Variants in OPHN1 observed in about 807,000 individuals in gnomAD.
The protein encoded by OPHN1 is oligophrenin 1.
A neutral mutation model predicts 60.7 loss-of-function variants in OPHN1; 11 were observed. That is an observed-to-expected ratio of 0.18 (90% CI 0.11 to 0.30). The LOEUF (loss-of-function observed/expected upper bound fraction) is 0.30, where lower values mean the gene tolerates loss of function less well. Ranked by LOEUF, OPHN1 falls within the 10% of genes least tolerant of loss-of-function variation. The probability of loss-of-function intolerance (pLI) is 1.00; values close to 1 mark genes in which losing one functional copy is unlikely to be tolerated. For missense variants in OPHN1, 449 were observed against 611.0 expected (o/e 0.73, Z 2.80); for synonymous variants, 226 against 222.6 (o/e 1.02, Z -0.14).
chrX:68,293,046 C>A (rs1381693223), intron 3 of OPHN1, among the ~76,000 whole-genome samples: 7 of 112,084 alleles, frequency 6.2e-5, no homozygotes, highest in African/African-American at 1.6e-4. Flanking sequence ...ATTTTCCCCC[C>A]ACCAATCTCA....
rs372304236 is a variant in OPHN1 at position 68,335,822 on chromosome X, T to C, written c.155-36726A>G. On this transcript the variant is annotated intron_variant, in intron 2 of 24. Coordinates refer to ENST00000355520, the MANE Select transcript of OPHN1 (RefSeq NM_002547.3). ...GCGTGCACCTGTAGTCCAATCTACTTGGGAGGCTGAGGCAGAAGAATCACT... is the reference window on the plus strand; with the variant it reads ...GCGTGCACCTGTAGTCCAATCTACTCGGGAGGCTGAGGCAGAAGAATCACT... Among the ~76,000 whole-genome samples, 6 of 111,287 alleles carry C rather than the reference T, an allele frequency of 5.4e-5. No homozygotes were observed. The South Asian group carries it at 1.5e-3, about 28-fold the overall frequency.
At chrX:68,088,895 C>A (rs1162807581) in intron 19 of OPHN1, among the ~76,000 whole-genome samples, 3 of 110,584 alleles carry the variant, frequency 2.7e-5, no homozygotes, top group Admixed American at 9.7e-5. Context: ...TAGTTTAAAG[C>A]TATTTTTCCA....
chrX:68,432,005 C>G (rs925706813), intron 2 of OPHN1, among the ~76,000 whole-genome samples: 2 of 110,573 alleles, frequency 1.8e-5, no homozygotes, highest in Non-Finnish European at 3.8e-5. Flanking sequence ...CCTGCACTCT[C>G]GTTGGGGATG....
At chrX:68,240,037 C>T (rs1400426031) in intron 5 of OPHN1, among the ~76,000 whole-genome samples, 1 of 111,669 alleles carries the variant, frequency 9.0e-6, no homozygotes, top group East Asian at 2.8e-4. Context: ...TCTCAAACTC[C>T]TGACCTCAGG....
chrX:68,169,321 G>A (rs28750734), intron 15 of OPHN1, among the ~76,000 whole-genome samples: 14,193 of 110,828 alleles, frequency 0.13, 724 homozygotes, highest in African/African-American at 0.18. Flanking sequence ...CTCATGGGTA[G>A]GAAGAATCAA....
chrX:68,082,638 T>TAGAC (rs746985303), intron 19 of OPHN1, among the ~76,000 whole-genome samples: 27 of 112,467 alleles, frequency 2.4e-4, no homozygotes, highest in Admixed American at 8.5e-4. Context: ...AAACATTCTG[T>TAGAC]AGACAGATGT....
intron 9 of OPHN1, among the ~76,000 whole-genome samples, chrX:68,208,066 TTTTCTTTCTTTCATTC>T (rs1250089048): frequency 9.2e-6 from 1 of 109,050 alleles, no homozygotes; most frequent in Admixed American, 1.0e-4. Flanking sequence ...CTTTCTTTTC[TTTTCTTTCTTTCATTC>T]TTTCTTTCTT....
At position 68,210,247 on chromosome X, in the gene OPHN1, C is replaced by G; in HGVS notation, c.738G>C (p.Met246Ile). ...RNHFSSTREE[M>I]EELKKRMKEA... is the part of the protein sequence containing the mutation. ...CTTTCATCCTTTTCTTAAGTTCTTC[C>G]ATCTCTTCCCGGGTACTGGAGAAAT... The change falls in exon 9 of 25, where the codon ATG (methionine) becomes ATC (isoleucine). Residue 246 changes from methionine (M) to isoleucine (I), a missense_variant. Around this residue, in one of 4 missense-constraint regions of OPHN1, gnomAD observed 166 missense variants for 278.4 expected, o/e 0.60. Transcript: ENST00000355520. 3 of 1,208,803 alleles carry G rather than the reference C, an allele frequency of 2.5e-6. No homozygotes were observed. Among genetic ancestry groups the G allele is most frequent in the Non-Finnish European group, 3.4e-6 (3 of 893,103 alleles).
intron 2 of OPHN1, among the ~76,000 whole-genome samples, chrX:68,328,197 C>T (rs1316577172): frequency 9.8e-6 from 1 of 101,912 alleles, no homozygotes; most frequent in African/African-American, 3.7e-5. Context: ...GGCGCGATCT[C>T]GGCTCACTGC....
intron 15 of OPHN1, among the ~76,000 whole-genome samples, chrX:68,124,417 C>G (rs1049351390): frequency 9.0e-6 from 1 of 110,857 alleles, no homozygotes; most frequent in Non-Finnish European, 1.9e-5. Flanking sequence ...ATTATTAGAG[C>G]TAAAAGGAGA....
At chrX:68,357,550 G>C (rs1295657702) in intron 2 of OPHN1, among the ~76,000 whole-genome samples, 1 of 110,390 alleles carries the variant, frequency 9.1e-6, no homozygotes, top group Non-Finnish European at 1.9e-5. Context: ...ATGGTTTCCA[G>C]CTTCATCCAT....
chrX:68,392,264 A>T (rs1309330785), intron 2 of OPHN1, among the ~76,000 whole-genome samples: 1 of 111,735 alleles, frequency 8.9e-6, no homozygotes, highest in African/African-American at 3.3e-5. Flanking sequence ...CATGATTCTT[A>T]ACATTTTCTT....
chrX:68,412,043 G>A (rs749723677), intron 2 of OPHN1, among the ~76,000 whole-genome samples: 2 of 111,580 alleles, frequency 1.8e-5, no homozygotes, highest in East Asian at 5.6e-4. Flanking sequence ...AAGTGGTCTT[G>A]TTATATAGAT....
intron 2 of OPHN1, among the ~76,000 whole-genome samples, chrX:68,329,288 G>A (rs1056602509): frequency 4.5e-5 from 5 of 112,087 alleles, no homozygotes; most frequent in African/African-American, 1.3e-4. Flanking sequence ...GTATAAATGT[G>A]TATAAGCACT....
chrX:68,053,552 G>T, intron 22 of OPHN1, 93 bp downstream of exon 22: 1 of 919,911 alleles, frequency 1.1e-6, no homozygotes, highest in Non-Finnish European at 1.6e-6. Context: ...CCCCAGGGCT[G>T]TGCACTGTAT....
chrX:68,430,044 C>CA (rs113590131), intron 2 of OPHN1, among the ~76,000 whole-genome samples: 24 of 101,554 alleles, frequency 2.4e-4, no homozygotes, highest in African/African-American at 8.2e-4. Flanking sequence ...CAGAAAAAAA[C>CA]AAAAAAAAAA....
intron 5 of OPHN1, among the ~76,000 whole-genome samples, chrX:68,246,927 G>C (rs765473149): frequency 5.4e-5 from 6 of 111,297 alleles, no homozygotes; most frequent in African/African-American, 2.0e-4. Flanking sequence ...GTAAGAGGTG[G>C]GTTAAACTAT....
chrX:68,369,435 C>A (rs1166320215), intron 2 of OPHN1, among the ~76,000 whole-genome samples: 2 of 111,051 alleles, frequency 1.8e-5, no homozygotes, highest in Non-Finnish European at 3.8e-5. Flanking sequence ...TCAACAACAA[C>A]AAAAAAATCA....
intron 21 of OPHN1, among the ~76,000 whole-genome samples, chrX:68,059,906 C>A (rs2076887025): frequency 8.9e-6 from 1 of 111,935 alleles, no homozygotes. Context: ...TTCTTCTCAC[C>A]CCTACTAGAA....
Sources: gnomAD v4.1 joint callset for allele counts (sites outside exome capture counted in the v4.1 genomes callset) on GRCh38, gnomAD v4.1.1 for gene constraint, gnomAD v4.1.1 regional missense constraint, MANE v1.5 for transcripts, NCBI Gene and HGNC (gene_info 2026-07-23, HGNC 2026-07-21) for gene names.